Variants in KIAA1217 observed in about 807,000 individuals in gnomAD.
The protein encoded by KIAA1217 is KIAA1217, also known as sickle tail protein homolog.
In KIAA1217, 88 loss-of-function variants were observed where a neutral mutation model predicts 163.9. That is an observed-to-expected ratio of 0.54 (90% CI 0.45 to 0.64). The LOEUF (loss-of-function observed/expected upper bound fraction) is 0.64. Ranked by LOEUF, KIAA1217 falls within the 30% of genes least tolerant of loss-of-function variation. The probability of loss-of-function intolerance (pLI) is 0.00; values close to 1 mark genes in which losing one functional copy is unlikely to be tolerated. For synonymous variants in KIAA1217, 903 were observed against 923.1 expected, an observed-to-expected ratio of 0.98 and a Z score of 0.39; for missense variants, 2,372 against 2,475.0, an observed-to-expected ratio of 0.96 and a Z score of 0.88.
At chr10:23,881,305 A>G (rs565200380) in intron 1 of KIAA1217, among the ~76,000 whole-genome samples, 2 of 152,108 alleles carry the variant, frequency 1.3e-5, no homozygotes, top group African/African-American at 4.8e-5. Context: ...CAATTATGAA[A>G]TGAATATATT....
At position 24,543,170 on chromosome 10, in the gene KIAA1217, G is replaced by A. The variant is rs949857529; in HGVS notation, c.3900G>A (p.Thr1300=). 6.2e-6 allele frequency: 10 copies of A among 1,613,440 alleles called. No homozygotes were observed. The highest frequency in any genetic ancestry group is 2.7e-5 in the African/African-American group (2 of 74,734). Reference sequence around the variant, plus strand: ...CTATACCTGACACCGAGAACCAGACGCTGAATTACGGAAAGACAAAGGAGA... The same window carrying A: ...CTATACCTGACACCGAGAACCAGACACTGAATTACGGAAAGACAAAGGAGA... ...QYSIPDTENQ[T]LNYGKTKEME... Residue 1300 remains threonine, a synonymous_variant, in exon 19 of 21, where the codon ACG becomes ACA. Coordinates refer to ENST00000376454, the MANE Select transcript of KIAA1217 (RefSeq NM_019590.5).
At chr10:24,358,296 A>G (rs2049392323) in intron 2 of KIAA1217, among the ~76,000 whole-genome samples, 1 of 152,162 alleles carries the variant, frequency 6.6e-6, no homozygotes, top group African/African-American at 2.4e-5. Flanking sequence ...CCCGATGTCC[A>G]TGGGCTGCAC....
intron 2 of KIAA1217, among the ~76,000 whole-genome samples, chr10:24,115,262 G>A (rs188725795): frequency 2.0e-5 from 3 of 152,332 alleles, no homozygotes; most frequent in African/African-American, 7.2e-5. Flanking sequence ...GTTACTGACA[G>A]ATTGGTACAT....
chr10:24,023,744 C>A (rs1362708516), intron 2 of KIAA1217, among the ~76,000 whole-genome samples: 1 of 151,442 alleles, frequency 6.6e-6, no homozygotes, highest in Admixed American at 6.6e-5. Context: ...ACAGAATAAT[C>A]AAATTGTAAT....
chr10:23,992,375 CAGA>C, intron 1 of KIAA1217, among the ~76,000 whole-genome samples: 1 of 152,034 alleles, frequency 6.6e-6, no homozygotes. Flanking sequence ...GTGATGGATC[CAGA>C]AGGAGATGCA....
At chr10:24,169,337 CT>C (rs1362193152) in intron 2 of KIAA1217, among the ~76,000 whole-genome samples, 1 of 152,134 alleles carries the variant, frequency 6.6e-6, no homozygotes, top group Non-Finnish European at 1.5e-5. Context: ...AATTCTCATT[CT>C]CTCCATTCTA....
At chr10:24,302,221 A>G (rs2041450008) in intron 2 of KIAA1217, among the ~76,000 whole-genome samples, 2 of 152,176 alleles carry the variant, frequency 1.3e-5, no homozygotes. Flanking sequence ...CCTCCATTTA[A>G]CCCAAAACAA....
chr10:24,110,868 CTG>C (rs1280940891), intron 2 of KIAA1217, among the ~76,000 whole-genome samples: 1 of 152,184 alleles, frequency 6.6e-6, no homozygotes, highest in Non-Finnish European at 1.5e-5. Flanking sequence ...CATATTAAAA[CTG>C]AGATAATTTG....
intron 2 of KIAA1217, among the ~76,000 whole-genome samples, chr10:24,165,828 G>GA (rs1297478905): frequency 6.6e-6 from 1 of 152,112 alleles, no homozygotes; most frequent in Non-Finnish European, 1.5e-5. Context: ...AACTAGAGCA[G>GA]AAAAAAAGCA....
chr10:24,288,155 T>C (rs1191399229), intron 2 of KIAA1217, among the ~76,000 whole-genome samples: 1 of 152,186 alleles, frequency 6.6e-6, no homozygotes, highest in Admixed American at 6.5e-5. Context: ...TTCTAGTTAC[T>C]CATTTGCCAA....
At chr10:24,501,576 G>A (rs781233673) in intron 9 of KIAA1217, 31 bp downstream of exon 9, 87 of 1,597,868 alleles carry the variant, frequency 5.4e-5, no homozygotes, top group Admixed American at 2.0e-4. Context: ...CCTCTGTCTC[G>A]GTTGCCCTGA....
At chr10:23,971,579 C>A (rs530445639) in intron 1 of KIAA1217, among the ~76,000 whole-genome samples, 21 of 152,274 alleles carry the variant, frequency 1.4e-4, no homozygotes, top group African/African-American at 4.8e-4. Flanking sequence ...AAACAGAGAC[C>A]TTAAGAATGA....
intron 3 of KIAA1217, among the ~76,000 whole-genome samples, chr10:24,403,219 T>A (rs2056785558): frequency 6.6e-6 from 1 of 152,118 alleles, no homozygotes; most frequent in South Asian, 2.1e-4. Context: ...GGATCTTATT[T>A]TATTCTATTT....
At chr10:23,862,844 T>A (rs1214316454) in intron 1 of KIAA1217, among the ~76,000 whole-genome samples, 1 of 152,116 alleles carries the variant, frequency 6.6e-6, no homozygotes. Flanking sequence ...TTTCTGTTTT[T>A]CTTCTTGCCT....
intron 1 of KIAA1217, among the ~76,000 whole-genome samples, chr10:23,989,222 C>T (rs922154045): frequency 6.6e-6 from 1 of 152,152 alleles, no homozygotes; most frequent in African/African-American, 2.4e-5. Flanking sequence ...ATGTCTTTTC[C>T]TCACTCATCC....
At chr10:23,841,220 T>TTG (rs1838764245) in intron 1 of KIAA1217, among the ~76,000 whole-genome samples, 1 of 152,176 alleles carries the variant, frequency 6.6e-6, no homozygotes, top group South Asian at 2.1e-4. Context: ...TTTCATTAGG[T>TTG]TGTGTGTAAA....
intron 2 of KIAA1217, among the ~76,000 whole-genome samples, chr10:24,311,911 AGCTGGCTT>A (rs1393795407): frequency 1.3e-5 from 2 of 152,036 alleles, no homozygotes; most frequent in Non-Finnish European, 2.9e-5. Context: ...GCAAGAGTAT[AGCTGGCTT>A]TTTTGTAAGA....
chr10:23,966,527 G>T (rs1845075397), intron 1 of KIAA1217, among the ~76,000 whole-genome samples: 2 of 152,250 alleles, frequency 1.3e-5, no homozygotes, highest in East Asian at 1.9e-4. Flanking sequence ...CTGACAGCAG[G>T]TGCTCTTCCC....
chr10:24,456,629 G>T (rs559113100), intron 5 of KIAA1217, among the ~76,000 whole-genome samples: 90 of 152,132 alleles, frequency 5.9e-4, no homozygotes, highest in African/African-American at 2.1e-3. Flanking sequence ...ATAATCCAGT[G>T]CTCGATCCAC....
Sources: allele counts gnomAD v4.1 joint callset (sites outside exome capture counted in the v4.1 genomes callset), GRCh38; gene constraint gnomAD v4.1.1; transcripts MANE v1.5; gene names NCBI Gene and HGNC (gene_info 2026-07-23, HGNC 2026-07-21).